SORL1: variants seen among roughly 807,000 people sequenced by gnomAD.
The protein encoded by SORL1 is sortilin-related receptor.
In SORL1, 127 loss-of-function variants were observed where a neutral mutation model predicts 273.7. The observed-to-expected ratio is 0.46, with a 90% CI of 0.40 to 0.54. The LOEUF is 0.54. Among genes scored for constraint, SORL1 ranks in the 20% least tolerant of loss-of-function variants. The pLI is 0.00. For synonymous variants in SORL1, 1,031 were observed against 1,067.4 expected, an observed-to-expected ratio of 0.97 and a Z score of 0.66; for missense variants, 2,494 against 2,846.1, an observed-to-expected ratio of 0.88 and a Z score of 2.81.
intron 22 of SORL1, among the ~76,000 whole-genome samples, chr11:121,568,466 A>G (rs978644759): frequency 6.6e-6 from 1 of 152,186 alleles, no homozygotes; most frequent in Non-Finnish European, 1.5e-5. Flanking sequence ...TATGAGACCA[A>G]TCATCGCATG....
At chr11:121,586,350 C>T in intron 27 of SORL1, 21 bp downstream of exon 27, 2 of 1,565,648 alleles carry the variant, frequency 1.3e-6, no homozygotes. Context: ...TCCTTGCCCC[C>T]AGGAAGCACT....
At chr11:121,589,555 G>C (rs1330568482) in intron 29 of SORL1, among the ~76,000 whole-genome samples, 165 bp downstream of exon 29, 6 of 152,196 alleles carry the variant, frequency 3.9e-5, no homozygotes, top group South Asian at 2.1e-4. Context: ...AGTCTTGAAG[G>C]GGGCAGCTGG....
At chr11:121,520,566 T>C in intron 8 of SORL1, 91 bp from the exon 9 acceptor site, 1 of 858,284 alleles carries the variant, frequency 1.2e-6, no homozygotes, top group Non-Finnish European at 1.8e-6. Context: ...TGCCACAAAA[T>C]TGTATACTTT....
At chr11:121,516,299 C>A (rs1028812164) in intron 8 of SORL1, among the ~76,000 whole-genome samples, 1 of 152,138 alleles carries the variant, frequency 6.6e-6, no homozygotes, top group Non-Finnish European at 1.5e-5. Context: ...AATGGTCAGA[C>A]CCTAAATATA....
At chr11:121,577,749 T>TA (rs1419637077) in intron 25 of SORL1, among the ~76,000 whole-genome samples, 3 of 152,228 alleles carry the variant, frequency 2.0e-5, no homozygotes, top group African/African-American at 7.2e-5. Flanking sequence ...TCATGTTTTT[T>TA]AAAATGGAGC....
Position 121,571,731 on chromosome 11 carries a change from T to C in SORL1, c.3337+1461T>C, listed in dbSNP as rs901190013. Among the ~76,000 whole-genome samples the C allele has an allele frequency of 5.9e-5, 9 of 152,278 alleles. No homozygotes were observed. In the East Asian group the frequency reaches 1.7e-3, roughly 29 times the overall value. On this transcript the variant is annotated intron_variant, in intron 23 of 47. Coordinates refer to ENST00000260197, the MANE Select transcript of SORL1 (RefSeq NM_003105.6). ...ATCTGGGCCCTGCAATCCTATAGAC[T>C]CCCCCTTTTGGCTGATAGAGGGTTA...
intron 6 of SORL1, among the ~76,000 whole-genome samples, chr11:121,498,406 C>G (rs1861661498): frequency 6.6e-6 from 1 of 152,178 alleles, no homozygotes; most frequent in African/African-American, 2.4e-5. Flanking sequence ...TAGGCCTTTT[C>G]TGCCTTAATG....
chr11:121,493,351 G>A (rs1347095870), intron 5 of SORL1, among the ~76,000 whole-genome samples: 2 of 152,104 alleles, frequency 1.3e-5, no homozygotes, highest in Non-Finnish European at 2.9e-5. Context: ...CTGCCTCCCG[G>A]ATTCAAGTGA....
chr11:121,585,351 C>T (rs1225946429), intron 26 of SORL1, among the ~76,000 whole-genome samples: 3 of 152,042 alleles, frequency 2.0e-5, no homozygotes, highest in African/African-American at 4.8e-5. Context: ...GGCACAGTGG[C>T]GCACGCCTGT....
intron 25 of SORL1, among the ~76,000 whole-genome samples, chr11:121,582,392 A>C (rs1446079425): frequency 6.6e-6 from 1 of 152,244 alleles, no homozygotes; most frequent in African/African-American, 2.4e-5. Context: ...AGTTAAACTA[A>C]CAGAGAGTCC....
chr11:121,612,589 T>TA (rs1863582564), intron 39 of SORL1, 147 bp from the exon 40 acceptor site: 1 of 590,388 alleles, frequency 1.7e-6, no homozygotes, highest in Non-Finnish European at 3.1e-6. Flanking sequence ...AGAACCTGTT[T>TA]AAAATTTTTA....
intron 12 of SORL1, among the ~76,000 whole-genome samples, chr11:121,535,195 C>T (rs114048333): frequency 6.6e-6 from 1 of 152,038 alleles, no homozygotes; most frequent in Non-Finnish European, 1.5e-5. Flanking sequence ...TCAATGACAA[C>T]CCCTAGAGCA....
Position 121,549,899 on chromosome 11 carries a change from G to A in SORL1, c.2052-61G>A, listed in dbSNP as rs766560752. On this transcript the variant is annotated intron_variant, in intron 14 of 47. Coordinates refer to ENST00000260197, the MANE Select transcript of SORL1 (RefSeq NM_003105.6). ...TAGTAAGGTAAAGTCAGCAGAATTG[G>A]TACAGGAATGCCTGAAATGTATAAA... 6.2e-5 allele frequency: 97 copies of A among 1,553,456 alleles called. 2 individuals are homozygous for A. Among genetic ancestry groups the A allele is most frequent in the South Asian group, 6.0e-4 (52 of 86,636 alleles).
intron 8 of SORL1, among the ~76,000 whole-genome samples, chr11:121,517,772 T>C (rs1861977316): frequency 6.6e-6 from 1 of 152,236 alleles, no homozygotes; most frequent in Admixed American, 6.5e-5. Context: ...AGTTTTCTCA[T>C]TGTTCTCAGA....
intron 46 of SORL1, among the ~76,000 whole-genome samples, chr11:121,625,665 A>C (rs1343599557): frequency 6.6e-6 from 1 of 152,138 alleles, no homozygotes; most frequent in Non-Finnish European, 1.5e-5. Context: ...TTTTACATGT[A>C]AAATCATATA....
chr11:121,570,079 C>G (rs971612092), intron 22 of SORL1, 78 bp from the exon 23 acceptor site: 4 of 922,132 alleles, frequency 4.3e-6, no homozygotes, highest in South Asian at 1.8e-5. Context: ...GAGGGAAACT[C>G]AAAAGAGAAA....
intron 6 of SORL1, among the ~76,000 whole-genome samples, chr11:121,500,194 T>C (rs1861690966): frequency 6.6e-6 from 1 of 152,226 alleles, no homozygotes; most frequent in African/African-American, 2.4e-5. Flanking sequence ...ACTGTTAGGC[T>C]CTTTCAGTAG....
At chr11:121,481,716 G>A (rs1861390932) in intron 3 of SORL1, among the ~76,000 whole-genome samples, 1 of 128,352 alleles carries the variant, frequency 7.8e-6, no homozygotes, top group African/African-American at 3.2e-5. Flanking sequence ...CCTATAGGCA[G>A]GCTTCATCTC....
intron 1 of SORL1, among the ~76,000 whole-genome samples, chr11:121,466,795 A>G (rs946699112): frequency 1.3e-5 from 2 of 152,016 alleles, no homozygotes; most frequent in African/African-American, 4.8e-5. Flanking sequence ...TGTGCCTGAC[A>G]TCTCGCCAAG....
Sources: gnomAD v4.1 joint callset for allele counts (sites outside exome capture counted in the v4.1 genomes callset) on GRCh38, gnomAD v4.1.1 for gene constraint, MANE v1.5 for transcripts, NCBI Gene and HGNC (gene_info 2026-07-23, HGNC 2026-07-21) for gene names.